FBXL17: variants seen among roughly 807,000 people sequenced by gnomAD.
FBXL17 encodes F-box/LRR-repeat protein 17.
FBXL17 carries 22 observed loss-of-function variants against 66.2 expected under a neutral mutation model. That is an observed-to-expected ratio of 0.33 (90% CI 0.24 to 0.47). The LOEUF (loss-of-function observed/expected upper bound fraction) is 0.47. Ranked by LOEUF, FBXL17 falls within the 20% of genes least tolerant of loss-of-function variation. FBXL17 has a pLI of 1.00. For synonymous variants in FBXL17, 474 were observed against 400.5 expected, an observed-to-expected ratio of 1.18 and a Z score of -2.19; for missense variants, 878 against 948.2, an observed-to-expected ratio of 0.93 and a Z score of 0.97.
chr5:108,149,389 T>C (rs1036338988), intron 6 of FBXL17, among the ~76,000 whole-genome samples: 12 of 152,258 alleles, frequency 7.9e-5, no homozygotes, highest in Non-Finnish European at 1.5e-4. Flanking sequence ...CTACAAATTC[T>C]TTCCTTCAAA....
At chr5:108,052,799 C>T (rs370216) in intron 6 of FBXL17, among the ~76,000 whole-genome samples, 25,331 of 152,136 alleles carry the variant, frequency 0.17, 2,431 homozygotes, top group South Asian at 0.42. Context: ...TCAAACTAAA[C>T]TACAAGGCCA....
intron 6 of FBXL17, among the ~76,000 whole-genome samples, chr5:108,051,953 A>T (rs1369462975): frequency 6.6e-6 from 1 of 151,986 alleles, no homozygotes; most frequent in Non-Finnish European, 1.5e-5. Context: ...TTCTAAAAAA[A>T]TACAAAAAAA....
intron 5 of FBXL17, among the ~76,000 whole-genome samples, chr5:108,190,387 G>C (rs1330765884): frequency 6.6e-6 from 1 of 152,196 alleles, no homozygotes; most frequent in Non-Finnish European, 1.5e-5. Context: ...GAGAGACAGA[G>C]AGTCTGAGAC....
At chr5:107,915,531 T>C (rs1308821733) in intron 7 of FBXL17, among the ~76,000 whole-genome samples, 1 of 152,214 alleles carries the variant, frequency 6.6e-6, no homozygotes. Context: ...ACAGTCTTCT[T>C]TTCTGCAAGA....
chr5:108,380,900 A>G lies in FBXL17; in HGVS notation c.792T>C (p.Ser264=). ...CGGTGGGGGCACCTTCGGAGGTGGG[A>G]GAAGAGGGCGGAGGGCAGAGCGGCT... is the stretch of plus-strand genomic sequence containing the variant. ...PPQPLCPPPS[S]PTSEGAPTEA... Residue 264 remains serine (S), a synonymous_variant, in exon 1 of 9, where the codon TCT becomes TCC. Transcript: ENST00000542267. 1 of 1,233,922 alleles carries G rather than the reference A, an allele frequency of 8.1e-7. No individual in the cohort carries two copies. The highest frequency in any genetic ancestry group is 1.0e-6 in the Non-Finnish European group (1 of 984,368). The allele number at this position is 1,233,922 out of a possible 1,614,324, so 76.4% of individuals were successfully genotyped here. A position where few individuals can be genotyped will look rare whatever the true frequency, so the allele number is the denominator to read the frequency against.
intron 6 of FBXL17, among the ~76,000 whole-genome samples, chr5:108,042,641 AT>A (rs1333503440): frequency 3.3e-5 from 5 of 152,210 alleles, no homozygotes; most frequent in East Asian, 3.9e-4. Flanking sequence ...CACATACCAC[AT>A]TCTGTTCACC....
chr5:108,271,119 A>G (rs1291626644), intron 4 of FBXL17, among the ~76,000 whole-genome samples: 1 of 152,080 alleles, frequency 6.6e-6, no homozygotes, highest in Non-Finnish European at 1.5e-5. Context: ...ACAGAAGAGA[A>G]TATGATTAAT....
intron 4 of FBXL17, chr5:108,299,837 T>C (rs1367405202): frequency 1.3e-5 from 13 of 984,666 alleles, no homozygotes; most frequent in Middle Eastern, 5.2e-4. Context: ...CAGTCGAGAA[T>C]CTGAAAAAAA....
At chr5:108,057,935 T>C (rs1271372629) in intron 6 of FBXL17, among the ~76,000 whole-genome samples, 3 of 152,118 alleles carry the variant, frequency 2.0e-5, no homozygotes, top group Non-Finnish European at 1.5e-5. Context: ...CCACGTGAGG[T>C]GGTTTTATCT....
At chr5:108,273,066 G>A (rs891847618) in intron 4 of FBXL17, among the ~76,000 whole-genome samples, 51 of 152,218 alleles carry the variant, frequency 3.4e-4, no homozygotes, top group African/African-American at 7.9e-4. Context: ...CACAAAAACC[G>A]GCAAGTTTTT....
chr5:108,219,611 C>T (rs907912251), intron 5 of FBXL17, among the ~76,000 whole-genome samples: 3 of 151,914 alleles, frequency 2.0e-5, no homozygotes, highest in African/African-American at 4.8e-5. Context: ...TGCTTGAACC[C>T]GAGAGGTGGA....
Position 107,961,172 on chromosome 5 carries a change from T to TTTTTC in FBXL17, c.1822+59748_1822+59752dup, listed in dbSNP as rs1459541525. Among the ~76,000 whole-genome samples the TTTTTC allele has an allele frequency of 1.2e-4, 18 of 151,932 alleles. No individual in the cohort carries two copies. In the East Asian group the frequency reaches 3.3e-3, roughly 28 times the overall value. On this transcript the variant is annotated intron_variant, in intron 7 of 8. Coordinates refer to ENST00000542267, the MANE Select transcript of FBXL17 (RefSeq NM_001163315.3). ...GGAACTTTAGGTGCTGTCAGCTGCT[T>TTTTTC]TTTTCTTTTCTTTTCTTTCTTTCTT...
chr5:108,376,680 T>G (rs1238999901), intron 1 of FBXL17, among the ~76,000 whole-genome samples: 1 of 152,230 alleles, frequency 6.6e-6, no homozygotes, highest in Non-Finnish European at 1.5e-5. Flanking sequence ...TTCTATTAAC[T>G]GCTTTCTTTT....
intron 6 of FBXL17, among the ~76,000 whole-genome samples, chr5:108,037,013 G>A (rs1333139820): frequency 6.6e-6 from 1 of 152,054 alleles, no homozygotes; most frequent in Non-Finnish European, 1.5e-5. Flanking sequence ...GGAATTAAAA[G>A]GAGAAAAGGC....
intron 6 of FBXL17, among the ~76,000 whole-genome samples, chr5:108,096,474 C>T (rs565416109): frequency 1.2e-4 from 18 of 152,102 alleles, no homozygotes; most frequent in Admixed American, 3.9e-4. Flanking sequence ...GGAAAATGTG[C>T]TTAGTTACCC....
chr5:108,212,327 T>A (rs1229638316), intron 5 of FBXL17, among the ~76,000 whole-genome samples: 1 of 152,202 alleles, frequency 6.6e-6, no homozygotes, highest in African/African-American at 2.4e-5. Flanking sequence ...TGAAGCCTAC[T>A]TCTGTCAATT....
chr5:108,160,749 T>A (rs1057008530), intron 6 of FBXL17, among the ~76,000 whole-genome samples: 1 of 152,156 alleles, frequency 6.6e-6, no homozygotes, highest in African/African-American at 2.4e-5. Flanking sequence ...GAGAGAAGTT[T>A]ACTCTCAAAG....
chr5:108,323,763 C>T (rs1014716231), intron 4 of FBXL17, among the ~76,000 whole-genome samples: 6 of 151,910 alleles, frequency 3.9e-5, no homozygotes, highest in Non-Finnish European at 4.4e-5. Flanking sequence ...CCAAATGAAA[C>T]AATCTAGAAA....
intron 1 of FBXL17, 79 bp from the exon 2 acceptor site, chr5:108,368,032 A>G (rs1360308730): frequency 1.5e-6 from 2 of 1,357,446 alleles, no homozygotes; most frequent in Non-Finnish European, 2.0e-6. Flanking sequence ...TAGTTAGAAA[A>G]AGTTAACTTT....
Sources: allele counts gnomAD v4.1 joint callset (sites outside exome capture counted in the v4.1 genomes callset), GRCh38; gene constraint gnomAD v4.1.1; transcripts MANE v1.5; gene names NCBI Gene and HGNC (gene_info 2026-07-23, HGNC 2026-07-21).